The following SH3BP5 variants were observed in gnomAD, a reference collection of about 807,000 sequenced individuals.
SH3BP5 encodes SH3 domain-binding protein 5.
A neutral mutation model predicts 43.3 loss-of-function variants in SH3BP5; 22 were observed. The ratio of observed to expected loss-of-function variants is 0.51; its 90% CI spans 0.36 to 0.73. SH3BP5 has a LOEUF of 0.73. Among genes scored for constraint, SH3BP5 ranks in the 30% least tolerant of loss-of-function variants. The pLI is 0.00. For missense variants in SH3BP5, 529 were observed against 586.9 expected (o/e 0.90, Z 1.02); for synonymous variants, 255 against 225.8 (o/e 1.13, Z -1.16).
rs76887346 is a variant in SH3BP5, at chr3:15,314,404, C to T, written c.202-10173G>A. ...CTGGTTTTTCTTCTCAGTCCCAGCT[C>T]CTGCTGGGAGGGGCTTTCATAGCCC... On this transcript the variant is annotated intron_variant, in intron 2 of 8. Transcript: ENST00000383791. Among the ~76,000 whole-genome samples, 413 of 152,220 alleles carry T rather than the reference C, an allele frequency of 2.7e-3. 2 individuals carry two copies. Among genetic ancestry groups the T allele is most frequent in the African/African-American group, 9.6e-3 (397 of 41,550 alleles).
At chr3:15,256,379 CAA>C in intron 8 of SH3BP5, 76 bp from the exon 9 acceptor site, 1 of 1,458,282 alleles carries the variant, frequency 6.9e-7, no homozygotes, top group East Asian at 2.3e-5. Context: ...CAAAGATTAT[CAA>C]AAGTGAGTAT....
chr3:15,258,066 GT>G (rs1696288265), intron 7 of SH3BP5: 2 of 152,312 alleles, frequency 1.3e-5, no homozygotes, highest in South Asian at 4.1e-4. Flanking sequence ...ATACATAGTA[GT>G]TGTTCAAATG....
Position 15,257,005 on chromosome 3 carries a change from T to C in SH3BP5, c.998A>G (p.Glu333Gly). The C allele has an allele frequency of 6.2e-7, 1 of 1,614,216 alleles. No homozygotes were observed. Among genetic ancestry groups the C allele is most frequent in the Non-Finnish European group, 8.5e-7 (1 of 1,180,032 alleles). The change falls in exon 8 of 9, where the codon GAG (glutamate) becomes GGG (glycine). Residue 333 changes from glutamate to glycine, a missense_variant. By Grantham distance (98) the Glu-to-Gly change is moderately conservative. Coordinates refer to ENST00000383791, the MANE Select transcript of SH3BP5 (RefSeq NM_004844.5). ...AACCGCAGGGAACTGGTCAGGCATC[T>C]CAGACGGGCTTGTTGGTCCTGAACT... ...SFSSGPTSPS[E>G]MPDQFPAVVR...
At chr3:15,332,660 C>A, upstream of SH3BP5, 1 of 1,154,546 alleles carries the variant, frequency 8.7e-7, no homozygotes, top group Non-Finnish European at 1.1e-6. Context: ...CCCGCCCCGG[C>A]CTCGCGTTCC....
At chr3:15,264,150 G>T (rs1696551683) in intron 4 of SH3BP5, 1 of 152,148 alleles carries the variant, frequency 6.6e-6, no homozygotes, top group African/African-American at 2.4e-5. Context: ...AATTATGAAA[G>T]ACTTTTATAT....
chr3:15,268,219 G>A (rs911709654), intron 4 of SH3BP5, among the ~76,000 whole-genome samples: 5 of 152,224 alleles, frequency 3.3e-5, no homozygotes, highest in African/African-American at 9.7e-5. Flanking sequence ...GACTCTTGAA[G>A]TCATTTGTGT....
intron 3 of SH3BP5, among the ~76,000 whole-genome samples, chr3:15,272,028 G>A (rs1404837202): frequency 5.3e-5 from 8 of 152,140 alleles, no homozygotes; most frequent in African/African-American, 1.4e-4. Context: ...CGTCCCTAAG[G>A]CAGCCCCTGG....
At chr3:15,322,568 C>T (rs1051797435) in intron 2 of SH3BP5, among the ~76,000 whole-genome samples, 15 of 151,256 alleles carry the variant, frequency 9.9e-5, no homozygotes, top group South Asian at 2.1e-4. Context: ...CCGGGTGTGG[C>T]GGCTCATGCC....
At chr3:15,277,783 T>C (rs891011448) in intron 3 of SH3BP5, among the ~76,000 whole-genome samples, 8 of 151,200 alleles carry the variant, frequency 5.3e-5, no homozygotes, top group African/African-American at 1.2e-4. Flanking sequence ...TGGGGTTTAC[T>C]TGGGAATGGT....
rs147172301 is a variant in SH3BP5 at position 15,330,561 on chromosome 3, T to C, written c.144A>G (p.Glu48=). The change falls in exon 2 of 9, where the codon GAA becomes GAG. Residue 48 remains glutamate (E), a synonymous_variant. Coordinates refer to ENST00000383791, the MANE Select transcript of SH3BP5 (RefSeq NM_004844.5). ...EEEVDPRIQG[E]LEKLNQSTDD... is the part of the protein sequence containing the mutation. The stretch of plus-strand genomic sequence containing the variant: ...CCGTGGACTGATTTAACTTCTCCAG[T>C]TCTCCCTGGTGAAGAAAAGAGGGAG... The C allele has an allele frequency of 1.2e-4, 186 of 1,601,802 alleles. No individual in the cohort carries two copies. Among genetic ancestry groups the C allele is most frequent in the Non-Finnish European group, 1.5e-4 (180 of 1,174,886 alleles).
At position 15,269,688 on chromosome 3, in the gene SH3BP5, C is replaced by A. The variant is rs751378865; in HGVS notation, c.495+25G>T. On this transcript the variant is annotated intron_variant, in intron 4 of 8. Coordinates refer to ENST00000383791, the MANE Select transcript of SH3BP5 (RefSeq NM_004844.5). ...GCGCGCATGCACGCGCACACCCCCA[C>A]AGCACACCCGGCCATGACTCATACC... 4 of 1,543,978 alleles carry A rather than the reference C, an allele frequency of 2.6e-6. No homozygotes were observed. In the Admixed American group the frequency reaches 5.7e-5, roughly 22 times the overall value.
intron 2 of SH3BP5, among the ~76,000 whole-genome samples, chr3:15,318,989 C>T (rs1698253659): frequency 1.3e-5 from 2 of 152,182 alleles, no homozygotes; most frequent in Non-Finnish European, 2.9e-5. Flanking sequence ...TCTCTTTCCC[C>T]AGAGAAGACC....
chr3:15,333,589 G>T (rs1435114767), upstream of SH3BP5, among the ~76,000 whole-genome samples: 1 of 152,168 alleles, frequency 6.6e-6, no homozygotes, highest in Non-Finnish European at 1.5e-5. Context: ...AGGATCACTT[G>T]AGGCCAGGAG....
chr3:15,268,771 G>A (rs968028803), intron 4 of SH3BP5, among the ~76,000 whole-genome samples: 2 of 152,206 alleles, frequency 1.3e-5, no homozygotes, highest in Admixed American at 1.3e-4. Flanking sequence ...CTGATCCCCA[G>A]TGTGAGGGTA....
At chr3:15,328,210 C>T (rs1698512965) in intron 2 of SH3BP5, among the ~76,000 whole-genome samples, 1 of 152,080 alleles carries the variant, frequency 6.6e-6, no homozygotes, top group Non-Finnish European at 1.5e-5. Flanking sequence ...GCAGGAAACA[C>T]CTGTCTGGTG....
intron 3 of SH3BP5, chr3:15,273,037 G>T: frequency 1.4e-6 from 1 of 713,156 alleles, no homozygotes; most frequent in Non-Finnish European, 1.7e-6. Context: ...AGGCCAAGCT[G>T]CTGGGAACGA....
intron 3 of SH3BP5, among the ~76,000 whole-genome samples, chr3:15,298,627 A>G (rs1273750479): frequency 1.3e-5 from 2 of 152,252 alleles, no homozygotes; most frequent in Non-Finnish European, 2.9e-5. Context: ...CAGTGAAAGG[A>G]AATTCTGACA....
intron 4 of SH3BP5, among the ~76,000 whole-genome samples, chr3:15,265,690 C>T (rs1696620576): frequency 6.6e-6 from 1 of 152,062 alleles, no homozygotes; most frequent in South Asian, 2.1e-4. Flanking sequence ...AGCCTAGCAT[C>T]AGGCATGAGC....
intron 3 of SH3BP5, among the ~76,000 whole-genome samples, chr3:15,288,791 G>C (rs1230207183): frequency 6.6e-6 from 1 of 152,132 alleles, no homozygotes; most frequent in Non-Finnish European, 1.5e-5. Flanking sequence ...CTCTGGGTAA[G>C]ACATGAGGGA....
Sources: gnomAD v4.1 joint callset for allele counts (sites outside exome capture counted in the v4.1 genomes callset) on GRCh38, gnomAD v4.1.1 for gene constraint, MANE v1.5 for transcripts, NCBI Gene and HGNC (gene_info 2026-07-23, HGNC 2026-07-21) for gene names.